The following GPHN variants were observed in gnomAD, a reference collection of about 807,000 sequenced individuals.
The protein encoded by GPHN is gephyrin.
GPHN carries 17 observed loss-of-function variants against 95.5 expected under a neutral mutation model. That is an observed-to-expected ratio of 0.18 (90% confidence interval 0.12 to 0.27). The LOEUF is 0.27. GPHN is among the 10% of genes least tolerant of loss of function. The pLI is 1.00. For missense variants in GPHN, 660 were observed against 978.1 expected (o/e 0.67, Z 4.34); for synonymous variants, 320 against 322.5 (o/e 0.99, Z 0.08).
chr14:67,653,539 T>C, the GPHN span: 8 of 1,555,188 alleles, frequency 5.1e-6, no homozygotes, highest in East Asian at 1.8e-4. Context: ...CTTTAAAAAG[T>C]ATACTCTGTA....
intron 10 of GPHN, among the ~76,000 whole-genome samples, chr14:67,026,657 G>T (rs1270414593): frequency 6.6e-6 from 1 of 151,866 alleles, no homozygotes; most frequent in African/African-American, 2.4e-5. Flanking sequence ...GTTTTGTTTT[G>T]TTTTTGAGAC....
the GPHN span, chr14:67,294,544 A>G: frequency 6.6e-6 from 1 of 152,224 alleles, no homozygotes; most frequent in Non-Finnish European, 1.5e-5. Flanking sequence ...ATGGCTTAAA[A>G]TATCAGTTAA....
At chr14:66,817,865 A>G (rs2061040090) in intron 3 of GPHN, among the ~76,000 whole-genome samples, 1 of 152,148 alleles carries the variant, frequency 6.6e-6, no homozygotes, top group Non-Finnish European at 1.5e-5. Context: ...CAGCCATACC[A>G]TGACTTATTG....
At chr14:67,023,750 AAAG>A (rs1376942613) in intron 10 of GPHN, 75 bp downstream of exon 10, 38 of 1,222,688 alleles carry the variant, frequency 3.1e-5, no homozygotes, top group Admixed American at 8.6e-5. Flanking sequence ...TGGTGAAAAA[AAAG>A]AAGAAAAGCA....
At chr14:67,226,141 C>T in the GPHN span, among the ~76,000 whole-genome samples, 1 of 152,132 alleles carries the variant, frequency 6.6e-6, no homozygotes, top group African/African-American at 2.4e-5. Flanking sequence ...CACTCTGCCA[C>T]CAAAGCCAGC....
chr14:66,708,818 C>A (rs2069343749), intron 2 of GPHN, among the ~76,000 whole-genome samples: 2 of 152,046 alleles, frequency 1.3e-5, no homozygotes, highest in African/African-American at 4.8e-5. Flanking sequence ...TGTTTTTCTT[C>A]CACTAAACTT....
intron 1 of GPHN, among the ~76,000 whole-genome samples, chr14:66,634,392 A>G (rs916865162): frequency 6.6e-6 from 1 of 152,036 alleles, no homozygotes; most frequent in Non-Finnish European, 1.5e-5. Flanking sequence ...AGTGTCTGTG[A>G]TTCCCTTAAT....
intron 4 of GPHN, among the ~76,000 whole-genome samples, chr14:66,854,845 CT>C (rs139745978): frequency 0.034 from 4,771 of 140,704 alleles, 73 homozygotes; most frequent in African/African-American, 0.042. Context: ...CTATTTTAGC[CT>C]TTTTTTTTTT....
intron 2 of GPHN, among the ~76,000 whole-genome samples, chr14:66,758,390 G>C (rs550585731): frequency 3.7e-4 from 57 of 152,234 alleles, no homozygotes; most frequent in African/African-American, 1.3e-3. Context: ...GAATGAAGAC[G>C]ATCTTAACTG....
the GPHN span, among the ~76,000 whole-genome samples, chr14:67,308,546 CTTTTT>C: frequency 7.6e-6 from 1 of 131,836 alleles, no homozygotes; most frequent in Non-Finnish European, 1.6e-5. Flanking sequence ...TTTTCTTTTT[CTTTTT>C]TTTTTTTTTT....
At chr14:66,908,905 A>G (rs2065528482) in intron 5 of GPHN, among the ~76,000 whole-genome samples, 1 of 151,982 alleles carries the variant, frequency 6.6e-6, no homozygotes, top group African/African-American at 2.4e-5. Flanking sequence ...AAAAACAAGG[A>G]AAGCCTGAGC....
the GPHN span, among the ~76,000 whole-genome samples, chr14:67,300,811 A>T: frequency 2.6e-5 from 4 of 152,252 alleles, no homozygotes; most frequent in Non-Finnish European, 4.4e-5. Flanking sequence ...CATTACACTC[A>T]TATAAATTCA....
At chr14:66,975,764 A>G (rs1242924208) in intron 9 of GPHN, among the ~76,000 whole-genome samples, 1 of 152,092 alleles carries the variant, frequency 6.6e-6, no homozygotes, top group Non-Finnish European at 1.5e-5. Flanking sequence ...AAGTGCCTAT[A>G]GTGCCAGCTA....
At chr14:67,555,296 A>T in the GPHN span, among the ~76,000 whole-genome samples, 1 of 152,236 alleles carries the variant, frequency 6.6e-6, no homozygotes, top group African/African-American at 2.4e-5. Flanking sequence ...AAATCAAATA[A>T]GGTGATAGCC....
intron 1 of GPHN, among the ~76,000 whole-genome samples, chr14:66,612,746 G>A (rs951215167): frequency 2.0e-5 from 3 of 151,918 alleles, no homozygotes; most frequent in Admixed American, 6.6e-5. Flanking sequence ...CTCATAGGAC[G>A]GCTTTAACTT....
the GPHN span, among the ~76,000 whole-genome samples, chr14:67,311,205 G>C: frequency 6.6e-6 from 1 of 151,798 alleles, no homozygotes; most frequent in Non-Finnish European, 1.5e-5. Context: ...CAGCTACTCG[G>C]GAGGCTCAGA....
Position 66,980,267 on chromosome 14 carries a change from C to T in GPHN, c.963+14942C>T, listed in dbSNP as rs115823531. On this transcript the variant is annotated intron_variant, in intron 9 of 22. Coordinates refer to ENST00000478722, the MANE Select transcript of GPHN (RefSeq NM_020806.5). ...AAAAAATGCAATTATCCATGAAGCA[C>T]GGTAAAACGAGGTATGCCTGTATAC... 8.6e-3 allele frequency among the ~76,000 whole-genome samples: 1,309 copies of T among 152,238 alleles called. 20 individuals are homozygous for T. The highest frequency in any genetic ancestry group is 0.03 in the African/African-American group (1,251 of 41,546).
chr14:66,765,461 T>C (rs1276677654), intron 2 of GPHN, among the ~76,000 whole-genome samples: 1 of 152,066 alleles, frequency 6.6e-6, no homozygotes, highest in African/African-American at 2.4e-5. Context: ...AGCATGTCTT[T>C]TGCAGCAGCC....
At chr14:66,784,021 G>GA (rs1321396412) in intron 3 of GPHN, among the ~76,000 whole-genome samples, 2 of 151,980 alleles carry the variant, frequency 1.3e-5, no homozygotes, top group Non-Finnish European at 2.9e-5. Context: ...GCATGAGTGA[G>GA]AAAAAAACAG....
Sources: allele counts gnomAD v4.1 joint callset (sites outside exome capture counted in the v4.1 genomes callset), GRCh38; gene constraint gnomAD v4.1.1; transcripts MANE v1.5; gene names NCBI Gene and HGNC (gene_info 2026-07-23, HGNC 2026-07-21).